Variants in NID1 observed in about 807,000 individuals in gnomAD.
NID1 encodes nidogen-1.
NID1 carries 76 observed loss-of-function variants against 130.6 expected under a neutral mutation model. That is an observed-to-expected ratio of 0.58 (90% confidence interval 0.48 to 0.70). The LOEUF (loss-of-function observed/expected upper bound fraction) is 0.70. Among genes scored for constraint, NID1 ranks in the 30% least tolerant of loss-of-function variants. NID1 has a pLI of 0.00. For synonymous variants in NID1, 665 were observed against 675.1 expected (o/e 0.98, Z 0.23); for missense variants, 1,517 against 1,664.8 (o/e 0.91, Z 1.54).
chr1:236,025,046 G>A (rs188800337), intron 8 of NID1, among the ~76,000 whole-genome samples: 6 of 151,740 alleles, frequency 4.0e-5, no homozygotes, highest in African/African-American at 1.5e-4. Context: ...CGCCTCCCAG[G>A]TTCAAGCGAT....
At chr1:235,993,012 G>C (rs528122033) in intron 13 of NID1, among the ~76,000 whole-genome samples, 4 of 152,250 alleles carry the variant, frequency 2.6e-5, no homozygotes, top group Admixed American at 6.5e-5. Flanking sequence ...TGTCTGTCCA[G>C]AGTCACACAG....
At chr1:235,985,349 A>C in intron 15 of NID1, 30 bp downstream of exon 15, 1 of 1,613,360 alleles carries the variant, frequency 6.2e-7, no homozygotes, top group East Asian at 2.2e-5. Context: ...AAGCAAAACC[A>C]AAAAGGAAAA....
At chr1:236,007,674 C>T (rs965032905) in intron 12 of NID1, among the ~76,000 whole-genome samples, 6 of 152,222 alleles carry the variant, frequency 3.9e-5, no homozygotes, top group East Asian at 1.9e-4. Context: ...ACCCATGTCG[C>T]GAGGAACTGA....
chr1:235,983,999 G>T (rs1572576101), intron 15 of NID1, among the ~76,000 whole-genome samples: 1 of 149,470 alleles, frequency 6.7e-6, no homozygotes, highest in African/African-American at 2.5e-5. Flanking sequence ...AAAAAAAAAA[G>T]AAAATTATTC....
chr1:236,022,782 G>A (rs933409329), intron 9 of NID1, among the ~76,000 whole-genome samples: 4 of 151,062 alleles, frequency 2.6e-5, no homozygotes, highest in Non-Finnish European at 4.4e-5. Context: ...AGATGGAAAG[G>A]CCAGGCGTGG....
chr1:236,042,352 C>T (rs1268478383), intron 3 of NID1, 60 bp from the exon 4 acceptor site: 2 of 1,554,102 alleles, frequency 1.3e-6, no homozygotes, highest in African/African-American at 1.4e-5. Flanking sequence ...GCCACCACTA[C>T]CCAAGCAGAG....
At chr1:235,987,824 T>C (rs142927472) in intron 14 of NID1, among the ~76,000 whole-genome samples, 1 of 152,264 alleles carries the variant, frequency 6.6e-6, no homozygotes, top group African/African-American at 2.4e-5. Flanking sequence ...GATGAGCACA[T>C]ACTTCCTCCT....
intron 12 of NID1, among the ~76,000 whole-genome samples, chr1:235,995,881 C>T (rs781448311): frequency 2.0e-5 from 3 of 152,204 alleles, no homozygotes; most frequent in Non-Finnish European, 2.9e-5. Context: ...TCTACTCGGC[C>T]AGGCACAGTG....
At chr1:236,026,801 C>G (rs901373726) in intron 7 of NID1, among the ~76,000 whole-genome samples, 2 of 150,644 alleles carry the variant, frequency 1.3e-5, no homozygotes, top group Non-Finnish European at 2.9e-5. Context: ...AGCAGTGGCA[C>G]GATCATGGCT....
intron 1 of NID1, among the ~76,000 whole-genome samples, chr1:236,057,606 T>G (rs1374335403): frequency 6.6e-6 from 1 of 151,342 alleles, no homozygotes; most frequent in Non-Finnish European, 1.5e-5. Flanking sequence ...CATGCACACC[T>G]GTAATCCCAG....
rs114926694 is a variant in NID1 at position 235,978,243 on chromosome 1, T to C, written c.3623-255A>G. On this transcript the variant is annotated intron_variant, in intron 19 of 19. Coordinates refer to ENST00000264187, the MANE Select transcript of NID1 (RefSeq NM_002508.3). ...TATGCAGATTTTCTACTAAGGCTAT[T>C]AAACAGATCTCAGGGGGAAGTTCTC... Among the ~76,000 whole-genome samples, 593 of 152,368 alleles carry C rather than the reference T, an allele frequency of 3.9e-3. 5 individuals carry two copies. The highest frequency in any genetic ancestry group is 0.013 in the African/African-American group (555 of 41,580).
intron 3 of NID1, among the ~76,000 whole-genome samples, chr1:236,043,589 G>A (rs1444176427): frequency 1.3e-5 from 2 of 152,116 alleles, no homozygotes; most frequent in Non-Finnish European, 2.9e-5. Context: ...ATGAGGTCAG[G>A]AGATCGAGAC....
chr1:236,029,840 C>A, intron 6 of NID1, 90 bp from the exon 7 acceptor site: 1 of 1,257,366 alleles, frequency 8.0e-7, no homozygotes, highest in South Asian at 1.3e-5. Flanking sequence ...GGGGTTGGTG[C>A]GAACGCTTCT....
At chr1:236,005,357 C>A (rs994217671) in intron 12 of NID1, among the ~76,000 whole-genome samples, 5 of 151,796 alleles carry the variant, frequency 3.3e-5, no homozygotes, top group African/African-American at 9.7e-5. Context: ...AACACAAGAA[C>A]CTAAACAACT....
At position 235,981,650 on chromosome 1, in the gene NID1, A is replaced by T. The variant is rs1423289127; in HGVS notation, c.3188T>A (p.Leu1063Ter). The T allele has an allele frequency of 3.7e-6, 6 of 1,614,136 alleles. No individual in the cohort carries two copies. The highest frequency in any genetic ancestry group is 5.1e-6 in the Non-Finnish European group (6 of 1,180,010). ...TQRRVLFETD[L>*]VNPRGIVTDS... is the part of the protein sequence containing the mutation. ...CGTTACAATGCCTCTGGGATTCACC[A>T]AGTCAGTCTCAAAGAGCACCCGGCG... The change falls in exon 16 of 20, where the codon TTG (leucine) becomes TAG (stop). Residue 1063 changes from leucine (L) to a stop codon, truncating the protein, a stop_gained. Transcript: ENST00000264187. LOFTEE classifies it high-confidence loss of function.
At chr1:236,017,910 A>G (rs1658648984) in intron 9 of NID1, among the ~76,000 whole-genome samples, 1 of 152,186 alleles carries the variant, frequency 6.6e-6, no homozygotes, top group Admixed American at 6.5e-5. Context: ...CTGAATACTG[A>G]GAGTCTCTGA....
At chr1:236,045,141 G>C (rs1323440691) in intron 3 of NID1, among the ~76,000 whole-genome samples, 1 of 147,910 alleles carries the variant, frequency 6.8e-6, no homozygotes, top group African/African-American at 2.5e-5. Context: ...AGAGGTTGCA[G>C]TGAGTCGAGA....
intron 5 of NID1, among the ~76,000 whole-genome samples, chr1:236,035,538 T>G (rs1026348917): frequency 4.0e-5 from 6 of 148,370 alleles, no homozygotes; most frequent in Non-Finnish European, 7.4e-5. Context: ...CAAATGGTAT[T>G]TCTAGTTCTA....
intron 12 of NID1, among the ~76,000 whole-genome samples, chr1:236,003,990 G>T (rs557276868): frequency 7.1e-6 from 1 of 140,868 alleles, no homozygotes; most frequent in South Asian, 2.3e-4. Context: ...CAGAGATTGC[G>T]CCACTGCACT....
Sources: gnomAD v4.1 joint callset for allele counts (sites outside exome capture counted in the v4.1 genomes callset) on GRCh38, gnomAD v4.1.1 for gene constraint, MANE v1.5 for transcripts, NCBI Gene and HGNC (gene_info 2026-07-23, HGNC 2026-07-21) for gene names.